The following SCAPER variants were observed in gnomAD, a reference collection of about 807,000 sequenced individuals.
The protein encoded by SCAPER is S-phase cyclin A associated protein in the ER, also known as S phase cyclin A-associated protein in the endoplasmic reticulum.
A neutral mutation model predicts 182.2 loss-of-function variants in SCAPER; 98 were observed. That is an observed-to-expected ratio of 0.54 (90% confidence interval 0.46 to 0.64). The LOEUF (loss-of-function observed/expected upper bound fraction) is 0.64. SCAPER is among the 30% of genes least tolerant of loss of function. The probability of loss-of-function intolerance (pLI) is 0.00; values close to 1 mark genes in which losing one functional copy is unlikely to be tolerated. For missense variants in SCAPER, 1,432 were observed against 1,690.0 expected (o/e 0.85, Z 2.68); for synonymous variants, 605 against 564.6 (o/e 1.07, Z -1.01).
intron 2 of SCAPER, among the ~76,000 whole-genome samples, chr15:76,877,204 C>CT (rs1261694851): frequency 6.9e-6 from 1 of 144,458 alleles, no homozygotes; most frequent in African/African-American, 2.6e-5. Flanking sequence ...GAGACCCTGT[C>CT]TTTAAAAAAA....
intron 14 of SCAPER, among the ~76,000 whole-genome samples, chr15:76,756,243 CAAAAAAAA>C (rs34158299): frequency 1.4e-4 from 9 of 66,006 alleles, no homozygotes; most frequent in East Asian, 1.3e-3. Flanking sequence ...GACTCCGTCT[CAAAAAAAA>C]AAAAAAAAAA....
At chr15:76,885,608 T>A (rs1202195071) in intron 1 of SCAPER, among the ~76,000 whole-genome samples, 7 of 152,144 alleles carry the variant, frequency 4.6e-5, no homozygotes, top group Admixed American at 2.6e-4. Flanking sequence ...CTCAGCCTCC[T>A]GAGTAGCTGG....
chr15:76,682,777 C>T (rs577728160), intron 20 of SCAPER, among the ~76,000 whole-genome samples: 3 of 152,266 alleles, frequency 2.0e-5, no homozygotes, highest in South Asian at 2.1e-4. Context: ...TTACAGCACA[C>T]AGCCTAGGAG....
At chr15:76,502,560 C>T (rs1399476555) in intron 24 of SCAPER, among the ~76,000 whole-genome samples, 3 of 117,700 alleles carry the variant, frequency 2.5e-5, no homozygotes, top group Admixed American at 9.3e-5. Flanking sequence ...CATCACACAC[C>T]GGGGCCTGTC....
chr15:76,685,391 T>C (rs1197034491), intron 20 of SCAPER, among the ~76,000 whole-genome samples: 1 of 151,988 alleles, frequency 6.6e-6, no homozygotes, highest in Non-Finnish European at 1.5e-5. Flanking sequence ...ATTTGTAGTG[T>C]GATTATTTAC....
intron 8 of SCAPER, among the ~76,000 whole-genome samples, chr15:76,785,716 T>C (rs1459305032): frequency 6.6e-6 from 1 of 152,180 alleles, no homozygotes; most frequent in African/African-American, 2.4e-5. Flanking sequence ...GATGAGTTCA[T>C]GTCCTTTGTA....
Position 76,598,511 on chromosome 15 carries a change from T to C in SCAPER, c.2711+23253A>G, listed in dbSNP as rs1261966182. Among the ~76,000 whole-genome samples the C allele has an allele frequency of 5.7e-5, 7 of 121,912 alleles. 1 individual carries two copies. Among genetic ancestry groups the C allele is most frequent in the African/African-American group, 1.3e-4 (5 of 39,910 alleles). The allele number at this position is 121,912 out of a possible 152,430, so 80.0% of individuals were successfully genotyped here. A position where few individuals can be genotyped will look rare whatever the true frequency, so the allele number is the denominator to read the frequency against. On this transcript the variant is annotated intron_variant, in intron 22 of 31. Transcript: ENST00000563290. ...AAAGACACATGCACACGTATGTTTA[T>C]TGCAGCACTTTTCACAATAGCAAAG...
chr15:76,495,253 G>C (rs907701199), intron 24 of SCAPER, among the ~76,000 whole-genome samples: 5 of 152,022 alleles, frequency 3.3e-5, no homozygotes, highest in South Asian at 2.1e-4. Context: ...ATGAAGTTTT[G>C]CATTTCTCAC....
chr15:76,450,149 A>G (rs1182240944), intron 25 of SCAPER, among the ~76,000 whole-genome samples: 1 of 152,208 alleles, frequency 6.6e-6, no homozygotes, highest in Non-Finnish European at 1.5e-5. Context: ...CAAGCTCCAC[A>G]CCATATTGTC....
chr15:76,883,991 T>C (rs2073715498), intron 1 of SCAPER, 115 bp from the exon 2 acceptor site: 1 of 563,538 alleles, frequency 1.8e-6, no homozygotes, highest in Non-Finnish European at 3.0e-6. Flanking sequence ...CAAAAAAAAC[T>C]GCTCCTTTAT....
At chr15:76,383,503 C>T (rs991705147) in intron 27 of SCAPER, among the ~76,000 whole-genome samples, 2 of 152,180 alleles carry the variant, frequency 1.3e-5, no homozygotes, top group African/African-American at 4.8e-5. Context: ...GTTCTCTACT[C>T]AAGAAAGAAG....
At chr15:76,518,307 G>A (rs928202182) in intron 23 of SCAPER, among the ~76,000 whole-genome samples, 5 of 152,168 alleles carry the variant, frequency 3.3e-5, no homozygotes, top group Non-Finnish European at 1.5e-5. Context: ...TCCAACTTCA[G>A]CAGAGATACT....
intron 8 of SCAPER, among the ~76,000 whole-genome samples, chr15:76,778,661 G>A (rs1445949917): frequency 6.6e-6 from 1 of 151,940 alleles, no homozygotes; most frequent in Non-Finnish European, 1.5e-5. Flanking sequence ...GTGTGTGTGT[G>A]TGTGTATGTA....
In SCAPER at chr15:76,358,863, C is replaced by G. The variant is rs1328486154; in HGVS notation, c.3856-4723G>C. Among the ~76,000 whole-genome samples the G allele has an allele frequency of 9.2e-5, 14 of 152,330 alleles. No homozygotes were observed. In the South Asian group the frequency reaches 2.5e-3, roughly 27 times the overall value. Reference sequence around the variant, plus strand: ...TTCAGAGTCAGTTGAGTGGCTTTCCCTGGGCCAACTGTCTGTCAGTGGCCA... The same window carrying G: ...TTCAGAGTCAGTTGAGTGGCTTTCCGTGGGCCAACTGTCTGTCAGTGGCCA... On this transcript the variant is annotated intron_variant, in intron 29 of 31. Coordinates refer to ENST00000563290, the MANE Select transcript of SCAPER (RefSeq NM_020843.4).
At chr15:76,357,625 A>G (rs1326128648) in intron 29 of SCAPER, among the ~76,000 whole-genome samples, 1 of 152,184 alleles carries the variant, frequency 6.6e-6, no homozygotes, top group African/African-American at 2.4e-5. Context: ...TAAAAAGGAT[A>G]CTCACACGTG....
intron 20 of SCAPER, among the ~76,000 whole-genome samples, chr15:76,688,845 T>TTA (rs1355940556): frequency 1.5e-5 from 2 of 133,150 alleles, no homozygotes; most frequent in Non-Finnish European, 3.2e-5. Context: ...ATGCCTCTCT[T>TTA]TTTTTTTTTT....
intron 21 of SCAPER, among the ~76,000 whole-genome samples, chr15:76,630,300 C>T (rs2052985133): frequency 6.6e-6 from 1 of 152,162 alleles, no homozygotes; most frequent in Non-Finnish European, 1.5e-5. Flanking sequence ...CTATCTCCTT[C>T]AGTTCTGCTC....
At position 76,634,224 on chromosome 15, in the gene SCAPER, G is replaced by T. The variant is rs556213417; in HGVS notation, c.2646-12395C>A. ...TCCCTCACTGCCTCCCTTGCCTGGG[G>T]GAGGGAGCTCCCTTTGCCCTATGCA... On this transcript the variant is annotated intron_variant, in intron 21 of 31. Coordinates refer to ENST00000563290, the MANE Select transcript of SCAPER (RefSeq NM_020843.4). Among the ~76,000 whole-genome samples, 30 of 152,318 alleles carry T rather than the reference G, an allele frequency of 2.0e-4. No individual in the cohort carries two copies. In the South Asian group the frequency reaches 4.8e-3, roughly 24 times the overall value.
chr15:76,555,279 A>T (rs773163375), intron 23 of SCAPER, among the ~76,000 whole-genome samples: 10 of 152,202 alleles, frequency 6.6e-5, no homozygotes, highest in Non-Finnish European at 1.3e-4. Context: ...CCATAAAAAC[A>T]CACTTAAGTA....
Sources: gnomAD v4.1 joint callset for allele counts (sites outside exome capture counted in the v4.1 genomes callset) on GRCh38, gnomAD v4.1.1 for gene constraint, MANE v1.5 for transcripts, NCBI Gene and HGNC (gene_info 2026-07-23, HGNC 2026-07-21) for gene names.